Variants in MECOM observed in about 807,000 individuals in gnomAD.
MECOM encodes histone-lysine N-methyltransferase MECOM.
Under a neutral mutation model 116.3 loss-of-function variants are expected in MECOM, and 13 were observed. The ratio of observed to expected loss-of-function variants is 0.11; its 90% confidence interval spans 0.07 to 0.18. The LOEUF is 0.18. MECOM is among the 10% of genes least tolerant of loss of function. The pLI is 1.00. For missense variants in MECOM, 1,299 were observed against 1,509.0 expected (o/e 0.86, Z 2.31); for synonymous variants, 528 against 535.2 (o/e 0.99, Z 0.19).
At chr3:169,127,113 AATCTTAAAGACC>A (rs1195437039) in intron 5 of MECOM, among the ~76,000 whole-genome samples, 1 of 152,140 alleles carries the variant, frequency 6.6e-6, no homozygotes, top group African/African-American at 2.4e-5. Flanking sequence ...AAACTGTTCT[AATCTTAAAGACC>A]ATTCTGTAGT....
intron 1 of MECOM, among the ~76,000 whole-genome samples, chr3:169,480,274 T>C (rs1751087173): frequency 6.6e-6 from 1 of 152,194 alleles, no homozygotes; most frequent in African/African-American, 2.4e-5. Flanking sequence ...AATCTCCACC[T>C]CAAAGCATTG....
chr3:169,124,435 A>G (rs181199618), intron 5 of MECOM, among the ~76,000 whole-genome samples: 1 of 152,230 alleles, frequency 6.6e-6, no homozygotes, highest in East Asian at 1.9e-4. Context: ...CTTTAGATTC[A>G]AATAGTCATA....
At chr3:169,563,184 C>T (rs1054950684) in intron 1 of MECOM, among the ~76,000 whole-genome samples, 1 of 152,044 alleles carries the variant, frequency 6.6e-6, no homozygotes, top group African/African-American at 2.4e-5. Context: ...GAGGGTGCAC[C>T]CTGGCAGACA....
intron 1 of MECOM, among the ~76,000 whole-genome samples, chr3:169,383,520 GTTC>G (rs1481195370): frequency 6.6e-6 from 1 of 152,080 alleles, no homozygotes; most frequent in Non-Finnish European, 1.5e-5. Flanking sequence ...AATGCTATTT[GTTC>G]TTCTTGCAAG....
At chr3:169,457,091 C>T (rs1327250239) in intron 1 of MECOM, among the ~76,000 whole-genome samples, 1 of 152,122 alleles carries the variant, frequency 6.6e-6, no homozygotes. Context: ...TCATCGTTCT[C>T]CAGCTCTGTT....
chr3:169,466,931 C>T (rs1016100693), intron 1 of MECOM: 1 of 152,158 alleles, frequency 6.6e-6, no homozygotes, highest in African/African-American at 2.4e-5. Flanking sequence ...AAGTTGCCAA[C>T]ATTCTTTTTC....
chr3:169,283,377 T>C lies in MECOM; in HGVS notation c.375+97810A>G, dbSNP rs887916423. 4.0e-5 allele frequency among the ~76,000 whole-genome samples: 6 copies of C among 151,122 alleles called. No homozygotes were observed. In the East Asian group the frequency reaches 1.2e-3, roughly 29 times the overall value. ...AATTAACTGGATGTGGCAGCATCAC[T>C]ACACTCCAGCCCTGGTGACAGAACA... On this transcript the variant is annotated intron_variant, in intron 2 of 16. Transcript: ENST00000651503.
rs541156526 is a variant in MECOM at position 169,380,919 on chromosome 3, A to G, written c.375+268T>C. ...TAGCCAATGTTTCCAAACGTTAACTATAAAATCATATCTTCTTCCTTTAGT... is the reference window on the plus strand; with the variant it reads ...TAGCCAATGTTTCCAAACGTTAACTGTAAAATCATATCTTCTTCCTTTAGT... On this transcript the variant is annotated intron_variant, in intron 2 of 16. Coordinates refer to ENST00000651503, the MANE Select transcript of MECOM (RefSeq NM_004991.4). Among the ~76,000 whole-genome samples, 14 of 152,294 alleles carry G rather than the reference A, an allele frequency of 9.2e-5. No individual in the cohort carries two copies. The South Asian group carries it at 2.9e-3, about 32-fold the overall frequency.
At chr3:169,308,849 C>T (rs776970097) in intron 2 of MECOM, among the ~76,000 whole-genome samples, 4 of 152,288 alleles carry the variant, frequency 2.6e-5, no homozygotes, top group Middle Eastern at 6.8e-3. Context: ...ACACGTCTTC[C>T]TTCTCATCCT....
chr3:169,629,775 A>C (rs1771852789), intron 1 of MECOM, among the ~76,000 whole-genome samples: 1 of 152,120 alleles, frequency 6.6e-6, no homozygotes, highest in African/African-American at 2.4e-5. Flanking sequence ...CTCTACCTCC[A>C]CCACTGCCAC....
intron 2 of MECOM, among the ~76,000 whole-genome samples, chr3:169,240,723 C>A (rs1052953689): frequency 6.6e-6 from 1 of 152,090 alleles, no homozygotes; most frequent in Non-Finnish European, 1.5e-5. Flanking sequence ...AAACAAATGC[C>A]ATTTTGTGCC....
intron 1 of MECOM, among the ~76,000 whole-genome samples, chr3:169,475,776 T>A (rs1224650613): frequency 6.6e-6 from 1 of 152,130 alleles, no homozygotes; most frequent in Non-Finnish European, 1.5e-5. Flanking sequence ...AAACCTCAAG[T>A]GGTTTTTAAC....
chr3:169,460,630 A>T (rs1254528527), intron 1 of MECOM, among the ~76,000 whole-genome samples: 2 of 152,196 alleles, frequency 1.3e-5, no homozygotes, highest in African/African-American at 4.8e-5. Context: ...TCTGAAACAC[A>T]TTTATTATTT....
chr3:169,447,541 G>A (rs4285032), intron 1 of MECOM, among the ~76,000 whole-genome samples: 8,786 of 152,156 alleles, frequency 0.058, 268 homozygotes, highest in Non-Finnish European at 0.066. Context: ...TTTATAAAGC[G>A]TCTACTGTGT....
chr3:169,131,701 C>T (rs1734777813), intron 3 of MECOM, 170 bp from the exon 4 acceptor site: 1 of 654,756 alleles, frequency 1.5e-6, no homozygotes, highest in Non-Finnish European at 2.5e-6. Context: ...TATTGAAAAC[C>T]AGCCCTCTGG....
At chr3:169,507,204 T>C (rs531757272) in intron 1 of MECOM, among the ~76,000 whole-genome samples, 8 of 152,342 alleles carry the variant, frequency 5.3e-5, no homozygotes, top group African/African-American at 1.9e-4. Context: ...TCTGAAAAGA[T>C]CTGTCCTCTT....
intron 2 of MECOM, among the ~76,000 whole-genome samples, chr3:169,258,507 T>C (rs1448235754): frequency 6.6e-6 from 1 of 152,224 alleles, no homozygotes; most frequent in African/African-American, 2.4e-5. Flanking sequence ...TCTGAGTCAA[T>C]TGCCATGTTA....
At chr3:169,465,515 G>T (rs932889813) in intron 1 of MECOM, among the ~76,000 whole-genome samples, 6 of 152,062 alleles carry the variant, frequency 3.9e-5, no homozygotes, top group African/African-American at 1.4e-4. Flanking sequence ...CAGATAAATG[G>T]CCAACACTTT....
rs182108604 is a variant in MECOM, at chr3:169,148,026, A to T, written c.376-4194T>A. ...AGTTTTCTGCTAAGCATTAAAAAAA[A>T]TTTTTTTAATTGAAACTCATACTCT... On this transcript the variant is annotated intron_variant, in intron 2 of 16. Coordinates refer to ENST00000651503, the MANE Select transcript of MECOM (RefSeq NM_004991.4). Among the ~76,000 whole-genome samples the T allele has an allele frequency of 2.8e-3, 426 of 152,216 alleles. 1 individual carries two copies. Among genetic ancestry groups the T allele is most frequent in the Non-Finnish European group, 4.1e-3 (281 of 67,990 alleles).
Sources: allele counts gnomAD v4.1 joint callset (sites outside exome capture counted in the v4.1 genomes callset), GRCh38; gene constraint gnomAD v4.1.1; transcripts MANE v1.5; gene names NCBI Gene and HGNC (gene_info 2026-07-23, HGNC 2026-07-21).